Variants in PTPN22 observed in about 807,000 individuals in gnomAD.
PTPN22 encodes the protein tyrosine-protein phosphatase non-receptor type 22.
PTPN22 carries 85 observed loss-of-function variants against 103.3 expected under a neutral mutation model. The ratio of observed to expected loss-of-function variants is 0.82; its 90% confidence interval spans 0.69 to 0.99. PTPN22 has a LOEUF of 0.99. Ranked by LOEUF, PTPN22 falls within the 50% of genes least tolerant of loss-of-function variation. The probability of loss-of-function intolerance (pLI) is 0.00; values close to 1 mark genes in which losing one functional copy is unlikely to be tolerated. For synonymous variants in PTPN22, 323 were observed against 310.2 expected (o/e 1.04, Z -0.43); for missense variants, 865 against 936.9 (o/e 0.92, Z 1.00).
intron 11 of PTPN22, among the ~76,000 whole-genome samples, chr1:113,843,405 T>TAG (rs1663781827): frequency 6.6e-6 from 1 of 152,086 alleles, no homozygotes; most frequent in African/African-American, 2.4e-5. Context: ...CTTGAGGACA[T>TAG]TACGCTAAGT....
At chr1:113,832,219 G>A (rs771026312) in intron 16 of PTPN22, among the ~76,000 whole-genome samples, 6 of 152,070 alleles carry the variant, frequency 3.9e-5, no homozygotes, top group Non-Finnish European at 5.9e-5. Context: ...ATGGAGTCTC[G>A]CTCTGTCACC....
chr1:113,855,307 C>T lies in PTPN22; in HGVS notation c.541-258G>A, dbSNP rs564507888. ...GTCAGGAGTTCAAGACCAACCTGGC[C>T]AACATGGGGAAACCCTGTCTCTACT... On this transcript the variant is annotated intron_variant, in intron 7 of 20. Transcript: ENST00000359785. 3.5e-4 allele frequency among the ~76,000 whole-genome samples: 53 copies of T among 152,032 alleles called. 1 individual carries two copies. The South Asian group carries it at 0.011, about 31-fold the overall frequency.
At chr1:113,856,389 A>G in exon 7 of PTPN22, 1 of 1,569,754 alleles carries the variant, frequency 6.4e-7, no homozygotes, top group Non-Finnish European at 8.6e-7. Flanking sequence ...TACACTATTG[A>G]ACTTAACTTT....
In PTPN22 at chr1:113,829,710, TAA is replaced by T. The variant is rs57877024; in HGVS notation, c.2135-5_2135-4del. The stretch of plus-strand genomic sequence containing the variant: ...TTCTATAGATTGGGCCTGCATACCT[TAA>T]AAAAAAAAAAGGAGAAAAACATGTT... On this transcript the variant is annotated splice_region_variant and splice_polypyrimidine_tract_variant and intron_variant, in intron 17 of 20. Coordinates refer to ENST00000359785, the Ensembl canonical transcript of PTPN22. 0.021 allele frequency: 25,910 copies of T among 1,210,494 alleles called. No homozygotes were observed. Among genetic ancestry groups the T allele is most frequent in the South Asian group, 0.043 (2,775 of 64,790 alleles). 75.0% of individuals were successfully genotyped at this position (1,210,494 alleles called of 1,614,324 possible).
intron 4 of PTPN22, 65 bp from the exon 5 acceptor site, chr1:113,857,841 G>A (rs1665211426): frequency 7.1e-7 from 1 of 1,415,866 alleles, no homozygotes; most frequent in Non-Finnish European, 9.8e-7. Context: ...GTTAATACAT[G>A]GATCCCAGAC....
chr1:113,838,130 C>T (rs759188521), exon 13 of PTPN22: 6 of 1,614,044 alleles, frequency 3.7e-6, no homozygotes, highest in Non-Finnish European at 5.1e-6. Flanking sequence ...TTAGAACATC[C>T]CTCAAACAAA....
At chr1:113,854,945 G>A (rs1664913177) in exon 8 of PTPN22, 1 of 1,612,776 alleles carries the variant, frequency 6.2e-7, no homozygotes, top group Non-Finnish European at 8.5e-7. Flanking sequence ...CATCCTCTTG[G>A]TAACAACGTA....
At chr1:113,835,971 T>C (rs1558028968) in intron 13 of PTPN22, among the ~76,000 whole-genome samples, 1 of 152,176 alleles carries the variant, frequency 6.6e-6, no homozygotes, top group Non-Finnish European at 1.5e-5. Flanking sequence ...TCGCTCTGTT[T>C]TTTAATGATG....
intron 19 of PTPN22, among the ~76,000 whole-genome samples, chr1:113,820,469 AC>A (rs1472262231): frequency 6.6e-6 from 1 of 152,120 alleles, no homozygotes; most frequent in Non-Finnish European, 1.5e-5. Context: ...TCTCAAAAAA[AC>A]ATAATAATTA....
Position 113,855,063 on chromosome 1 carries a change from C to A in PTPN22, c.541-14G>T. Reference sequence around the variant, plus strand: ...AGTTCGAGTTTCCTATAAAAAGTAGCCAGATGGGAGGGGAAGAGGGGCAAG... The same window carrying A: ...AGTTCGAGTTTCCTATAAAAAGTAGACAGATGGGAGGGGAAGAGGGGCAAG... On this transcript the variant is annotated splice_polypyrimidine_tract_variant and intron_variant, in intron 7 of 20. Transcript: ENST00000359785. 2 of 1,602,066 alleles carry A rather than the reference C, an allele frequency of 1.2e-6. No homozygotes were observed. The highest frequency in any genetic ancestry group is 1.7e-6 in the Non-Finnish European group (2 of 1,169,860).
At chr1:113,857,555 C>A in intron 5 of PTPN22, 183 bp downstream of exon 5, 1 of 548,548 alleles carries the variant, frequency 1.8e-6, no homozygotes, top group East Asian at 3.0e-5. Context: ...AGAAAACAAA[C>A]AAATAGGATT....
chr1:113,865,183 A>G (rs1666019137), intron 1 of PTPN22, among the ~76,000 whole-genome samples: 1 of 152,282 alleles, frequency 6.6e-6, no homozygotes. Flanking sequence ...AGCTGTTGTT[A>G]CTGTGGAAAG....
chr1:113,863,088 TGTTG>T (rs1335248486), intron 1 of PTPN22, among the ~76,000 whole-genome samples: 3 of 152,028 alleles, frequency 2.0e-5, no homozygotes, highest in Admixed American at 1.3e-4. Context: ...ATGTGTGTGT[TGTTG>T]GTTGGTTGGT....
rs112354153 is a variant in PTPN22 at position 113,863,857 on chromosome 1, C to T, written c.88-4397G>A. ...TAGCACCTAAACCTGGCCTTCAGAACTAGGTATCTTCTTTCTGTTAGGATT... is the reference window on the plus strand; with the variant it reads ...TAGCACCTAAACCTGGCCTTCAGAATTAGGTATCTTCTTTCTGTTAGGATT... On this transcript the variant is annotated intron_variant, in intron 1 of 20. Transcript: ENST00000359785. Among the ~76,000 whole-genome samples the T allele has an allele frequency of 4.4e-3, 664 of 149,954 alleles. 2 individuals are homozygous for T. Among genetic ancestry groups the T allele is most frequent in the African/African-American group, 0.016 (639 of 40,738 alleles).
At chr1:113,851,011 G>A (rs970435271) in intron 10 of PTPN22, among the ~76,000 whole-genome samples, 10 of 152,298 alleles carry the variant, frequency 6.6e-5, no homozygotes, top group African/African-American at 9.6e-5. Flanking sequence ...AAAACTATTC[G>A]TGTAGAAATA....
At chr1:113,849,597 T>A (rs892111530) in intron 10 of PTPN22, among the ~76,000 whole-genome samples, 9 of 106,998 alleles carry the variant, frequency 8.4e-5, no homozygotes, top group Admixed American at 1.7e-4. Flanking sequence ...TTTATTTATT[T>A]TTTTTTTTGA....
intron 11 of PTPN22, among the ~76,000 whole-genome samples, chr1:113,846,862 T>G (rs1285090950): frequency 1.3e-5 from 2 of 152,172 alleles, no homozygotes; most frequent in Non-Finnish European, 2.9e-5. Flanking sequence ...GGTGTCATCT[T>G]TTTCTGGCTG....
intron 17 of PTPN22, 26 bp from the exon 18 acceptor site, chr1:113,829,733 A>G: frequency 7.0e-7 from 1 of 1,430,174 alleles, no homozygotes; most frequent in Non-Finnish European, 9.6e-7. Flanking sequence ...GGAGAAAAAC[A>G]TGTTCCATTG....
intron 9 of PTPN22, 107 bp from the exon 10 acceptor site, chr1:113,852,211 T>C: frequency 1.3e-6 from 1 of 751,992 alleles, no homozygotes; most frequent in Admixed American, 2.6e-5. Flanking sequence ...TAACATGGGG[T>C]AATATCAGAA....
Sources: gnomAD v4.1 joint callset for allele counts (sites outside exome capture counted in the v4.1 genomes callset) on GRCh38, gnomAD v4.1.1 for gene constraint, MANE v1.5 for transcripts, NCBI Gene and HGNC (gene_info 2026-07-23, HGNC 2026-07-21) for gene names.